VMA12: variants seen among roughly 807,000 people sequenced by gnomAD.
VMA12 encodes the protein vacuolar ATPase assembly factor VMA12.
the VMA12 span, chr17:28,362,784 A>T: frequency 6.6e-6 from 1 of 152,186 alleles, no homozygotes; most frequent in African/African-American, 2.4e-5. Context: ...TCTAGCCTGG[A>T]TGACAGAGTG....
chr17:28,359,173 C>G, the VMA12 span: 2 of 846,058 alleles, frequency 2.4e-6, no homozygotes, highest in Non-Finnish European at 3.5e-6. Context: ...AAAAAAAAAA[C>G]AGTTTCAAAG....
At chr17:28,359,363 A>G in the VMA12 span, 28 of 1,614,000 alleles carry the variant, frequency 1.7e-5, no homozygotes, top group Non-Finnish European at 1.8e-5. Flanking sequence ...ACAGCTGGCC[A>G]ATGAGGAATA....
At chr17:28,358,959 C>CT in the VMA12 span, 1 of 1,612,678 alleles carries the variant, frequency 6.2e-7, no homozygotes, top group Non-Finnish European at 8.5e-7. Flanking sequence ...GCAGTGAAAT[C>CT]TATCTCCCAG....
At chr17:28,362,041 C>T in the VMA12 span, 1 of 152,138 alleles carries the variant, frequency 6.6e-6, no homozygotes, top group Non-Finnish European at 1.5e-5. Context: ...GTTATTTATC[C>T]AATAAATATT....
At chr17:28,361,368 AC>A in the VMA12 span, 1 of 930,344 alleles carries the variant, frequency 1.1e-6, no homozygotes, top group Non-Finnish European at 1.7e-6. Context: ...TAGTCAGAAG[AC>A]CAGCCCAGGC....
chr17:28,362,130 G>T, the VMA12 span: 3 of 151,498 alleles, frequency 2.0e-5, no homozygotes, highest in Admixed American at 2.0e-4. Context: ...AACTGTTCAG[G>T]GTCTGCTCCT....
chr17:28,360,780 T>C, the VMA12 span: 1 of 1,614,118 alleles, frequency 6.2e-7, no homozygotes, highest in Non-Finnish European at 8.5e-7. Flanking sequence ...AATTTCATTG[T>C]CACGGTGGTT....
At chr17:28,361,608 A>G in the VMA12 span, 3 of 252,508 alleles carry the variant, frequency 1.2e-5, no homozygotes, top group African/African-American at 2.2e-5. Context: ...GAAGTAGACC[A>G]TACTGCCTTG....
the VMA12 span, chr17:28,360,459 G>A: frequency 8.5e-7 from 1 of 1,176,688 alleles, no homozygotes; most frequent in Non-Finnish European, 1.2e-6. Flanking sequence ...AGAGAGGGCT[G>A]AGCCAGACTG....
chr17:28,357,937 C>G, the VMA12 span: 2 of 1,581,574 alleles, frequency 1.3e-6, no homozygotes, highest in Admixed American at 3.4e-5. Context: ...CGATTCCCTC[C>G]TGAGGTCTTT....
the VMA12 span, chr17:28,358,098 C>T: frequency 1.2e-5 from 7 of 583,882 alleles, no homozygotes; most frequent in Admixed American, 3.0e-5. Flanking sequence ...TTGAGAGCCC[C>T]CTCTTCACTT....
At chr17:28,360,867 G>A in the VMA12 span, 1 of 1,600,066 alleles carries the variant, frequency 6.2e-7, no homozygotes, top group Non-Finnish European at 8.6e-7. Flanking sequence ...CACTGGGCAG[G>A]GCAGGGTGCC....
At chr17:28,360,360 G>A in the VMA12 span, 26 of 620,822 alleles carry the variant, frequency 4.2e-5, no homozygotes, top group East Asian at 5.7e-5. Flanking sequence ...TCCTCTCTCC[G>A]AAATGCCTGC....
chr17:28,358,313 G>T, the VMA12 span: 1 of 433,956 alleles, frequency 2.3e-6, no homozygotes, highest in Non-Finnish European at 4.8e-6. Flanking sequence ...TTTTAATATA[G>T]GATGGCAAAA....
chr17:28,359,271 C>T, the VMA12 span: 6 of 1,601,250 alleles, frequency 3.7e-6, no homozygotes, highest in Non-Finnish European at 5.1e-6. Context: ...TGCTTTCTAA[C>T]AAGCTGGGAA....
the VMA12 span, chr17:28,359,297 T>C: frequency 4.3e-6 from 7 of 1,613,496 alleles, no homozygotes; most frequent in African/African-American, 6.7e-5. Flanking sequence ...TTCTTCTCAT[T>C]TGATTTTTCT....
At chr17:28,359,299 G>T in the VMA12 span, 3 of 1,613,538 alleles carry the variant, frequency 1.9e-6, no homozygotes, top group South Asian at 1.1e-5. Flanking sequence ...CTTCTCATTT[G>T]ATTTTTCTGC....
At chr17:28,359,326 A>G in the VMA12 span, 10 of 1,613,978 alleles carry the variant, frequency 6.2e-6, no homozygotes, top group Non-Finnish European at 8.5e-6. Context: ...ACCCAGAACT[A>G]GTTGCCCGGC....
chr17:28,359,490 A>G, the VMA12 span: 4 of 1,340,594 alleles, frequency 3.0e-6, no homozygotes, highest in East Asian at 4.8e-5. Flanking sequence ...TTTAGAAAAA[A>G]CATGGAAACT....
Sources: allele counts gnomAD v4.1 joint callset, GRCh38; gene constraint gnomAD v4.1.1; transcripts MANE v1.5; gene names NCBI Gene and HGNC (gene_info 2026-07-23, HGNC 2026-07-21).